Variants in DAB1 observed in about 807,000 individuals in gnomAD.
The protein encoded by DAB1 is DAB adaptor protein 1.
In DAB1, 15 loss-of-function variants were observed where a neutral mutation model predicts 64.6. The ratio of observed to expected loss-of-function variants is 0.23; its 90% CI spans 0.16 to 0.36. The LOEUF is 0.36. Among genes scored for constraint, DAB1 ranks in the 10% least tolerant of loss-of-function variants. The pLI is 1.00. For missense variants in DAB1, 596 were observed against 706.7 expected (o/e 0.84, Z 1.78); for synonymous variants, 235 against 251.9 (o/e 0.93, Z 0.64).
chr1:58,386,760 G>A (rs1248253553), intron 3 of DAB1, among the ~76,000 whole-genome samples: 2 of 152,192 alleles, frequency 1.3e-5, no homozygotes, highest in Non-Finnish European at 2.9e-5. Context: ...GAATAACACA[G>A]ATAAAAGTGT....
At chr1:58,424,896 T>C (rs2100228637) in intron 3 of DAB1, among the ~76,000 whole-genome samples, 1 of 150,932 alleles carries the variant, frequency 6.6e-6, no homozygotes, top group East Asian at 2.0e-4. Flanking sequence ...TGATGTCATT[T>C]GGTGAGGTGG....
At chr1:58,068,451 A>G (rs1014615171) in intron 5 of DAB1, among the ~76,000 whole-genome samples, 1 of 152,198 alleles carries the variant, frequency 6.6e-6, no homozygotes, top group Non-Finnish European at 1.5e-5. Context: ...CAGAACCTCA[A>G]AAGAAAGATT....
At chr1:58,512,983 A>C (rs951747329) in intron 2 of DAB1, among the ~76,000 whole-genome samples, 6 of 152,214 alleles carry the variant, frequency 3.9e-5, no homozygotes, top group African/African-American at 1.4e-4. Flanking sequence ...CACAAGTCTA[A>C]TTCTTTTGCT....
intron 1 of DAB1, among the ~76,000 whole-genome samples, chr1:57,343,933 CA>C (rs1314751680): frequency 6.6e-6 from 1 of 152,270 alleles, no homozygotes; most frequent in Non-Finnish European, 1.5e-5. Flanking sequence ...CCAGAGCGAG[CA>C]AGGGCTGTGA....
At chr1:58,132,135 G>T (rs1369785966) in intron 5 of DAB1, among the ~76,000 whole-genome samples, 1 of 152,210 alleles carries the variant, frequency 6.6e-6, no homozygotes, top group Non-Finnish European at 1.5e-5. Context: ...GACCCTCCAA[G>T]CCAGGTGCAG....
intron 7 of DAB1, chr1:57,605,943 G>A (rs1645630774): frequency 3.2e-5 from 22 of 688,840 alleles, no homozygotes; most frequent in South Asian, 2.9e-4. Context: ...GCAAGTCAAA[G>A]AGTCACTTGT....
chr1:58,354,033 C>A (rs1644083545), intron 3 of DAB1, among the ~76,000 whole-genome samples: 1 of 151,998 alleles, frequency 6.6e-6, no homozygotes, highest in South Asian at 2.1e-4. Context: ...ACTAATTGAA[C>A]AAATATTTAC....
intron 1 of DAB1, among the ~76,000 whole-genome samples, chr1:57,391,344 G>A (rs1206100949): frequency 6.6e-6 from 1 of 152,090 alleles, no homozygotes; most frequent in African/African-American, 2.4e-5. Context: ...TTGTTGCAAG[G>A]ATATAGCATT....
intron 5 of DAB1, among the ~76,000 whole-genome samples, chr1:58,078,262 T>C (rs1649775048): frequency 6.6e-6 from 1 of 152,218 alleles, no homozygotes; most frequent in Non-Finnish European, 1.5e-5. Flanking sequence ...AATCCTTTCT[T>C]GTTCTGGGGG....
intron 7 of DAB1, chr1:57,605,927 G>T: frequency 1.5e-6 from 1 of 688,126 alleles, no homozygotes. Flanking sequence ...ATCTCAGAAG[G>T]ACTGTGCAAG....
At chr1:57,046,518 T>C (rs542759500) in intron 9 of DAB1, among the ~76,000 whole-genome samples, 1 of 152,202 alleles carries the variant, frequency 6.6e-6, no homozygotes, top group Non-Finnish European at 1.5e-5. Flanking sequence ...TGATGATTTA[T>C]CCAGAAAAGC....
Position 57,777,423 on chromosome 1 carries a change from C to T in DAB1, n.551+106576G>A, listed in dbSNP as rs753943511. Among the ~76,000 whole-genome samples, 4 of 151,704 alleles carry T rather than the reference C, an allele frequency of 2.6e-5. No homozygotes were observed. The South Asian group carries it at 6.2e-4, about 24-fold the overall frequency. ...TTCTTTCCTTCTGAGATTCAAATTA[C>T]GTACACGTTAAATCACTGGATATTG... is the stretch of plus-strand genomic sequence containing the variant. On this transcript the variant is annotated intron_variant and non_coding_transcript_variant, in intron 6 of 20. Transcript: ENST00000485760.
At chr1:57,627,041 A>C (rs561941882) in intron 7 of DAB1, among the ~76,000 whole-genome samples, 17 of 152,316 alleles carry the variant, frequency 1.1e-4, no homozygotes, top group African/African-American at 4.1e-4. Flanking sequence ...CAGTGAATTT[A>C]ATAAAGTAGA....
intron 7 of DAB1, among the ~76,000 whole-genome samples, chr1:57,481,502 GC>G (rs1422669047): frequency 6.6e-6 from 1 of 152,126 alleles, no homozygotes; most frequent in Non-Finnish European, 1.5e-5. Context: ...GTATCTGTTT[GC>G]TTATTCATAA....
intron 1 of DAB1, among the ~76,000 whole-genome samples, chr1:57,365,914 A>C (rs1270430733): frequency 2.0e-5 from 3 of 152,188 alleles, no homozygotes; most frequent in Non-Finnish European, 4.4e-5. Context: ...TGCTAGTTCT[A>C]AAAGAGAGGA....
chr1:57,939,111 G>A (rs780093718), intron 5 of DAB1, among the ~76,000 whole-genome samples: 3 of 152,092 alleles, frequency 2.0e-5, no homozygotes, highest in Non-Finnish European at 4.4e-5. Flanking sequence ...CAAGGTGCCA[G>A]CATGGCCACG....
intron 5 of DAB1, among the ~76,000 whole-genome samples, chr1:58,115,985 TA>T (rs142607082): frequency 0.27 from 36,700 of 135,920 alleles, 5,707 homozygotes; most frequent in East Asian, 0.52. Flanking sequence ...ACTTAGAGTA[TA>T]AAAAAAAAAA....
intron 7 of DAB1, among the ~76,000 whole-genome samples, chr1:57,572,103 G>C (rs943726420): frequency 2.6e-5 from 4 of 152,192 alleles, no homozygotes; most frequent in African/African-American, 9.7e-5. Context: ...TGTTGACTTA[G>C]TTTTAGGGCC....
In DAB1 at chr1:56,994,896, A is replaced by G. The variant is rs1452307358; in HGVS notation, c.*3248T>C. ...TGCATTGTACATAAAGTTAAAAATA[A>G]TGTGTCCATATATGTTAACAAACTG... On this transcript the variant is annotated 3_prime_UTR_variant, in exon 15 of 15. Transcript: ENST00000371236. 2 of 152,230 alleles carry G rather than the reference A, an allele frequency of 1.3e-5. No individual in the cohort carries two copies. Among genetic ancestry groups the G allele is most frequent in the Non-Finnish European group, 2.9e-5 (2 of 68,046 alleles). 9.4% of individuals were successfully genotyped at this position (152,230 alleles called of 1,614,324 possible).
Sources: gnomAD v4.1 joint callset for allele counts (sites outside exome capture counted in the v4.1 genomes callset) on GRCh38, gnomAD v4.1.1 for gene constraint, MANE v1.5 for transcripts, NCBI Gene and HGNC (gene_info 2026-07-23, HGNC 2026-07-21) for gene names.